Variants in CRYBG1 observed in about 807,000 individuals in gnomAD.
CRYBG1 encodes beta/gamma crystallin domain-containing protein 1.
CRYBG1 carries 139 observed loss-of-function variants against 189.2 expected under a neutral mutation model. The observed-to-expected ratio is 0.73, with a 90% CI of 0.64 to 0.85. The LOEUF is 0.85. Ranked by LOEUF, CRYBG1 falls within the 40% of genes least tolerant of loss-of-function variation. The probability of loss-of-function intolerance (pLI) is 0.00; values close to 1 mark genes in which losing one functional copy is unlikely to be tolerated. For synonymous variants in CRYBG1, 1,023 were observed against 1,017.1 expected (o/e 1.01, Z -0.11); for missense variants, 2,611 against 2,675.8 (o/e 0.98, Z 0.53).
intron 1 of CRYBG1, among the ~76,000 whole-genome samples, chr6:106,391,559 G>C (rs933549316): frequency 7.0e-6 from 1 of 142,918 alleles, no homozygotes; most frequent in African/African-American, 2.5e-5. Context: ...TTAGAAACCA[G>C]ACCATCAGTC....
intron 9 of CRYBG1, among the ~76,000 whole-genome samples, chr6:106,540,972 A>C (rs374194016): frequency 6.6e-6 from 1 of 152,192 alleles, no homozygotes; most frequent in Non-Finnish European, 1.5e-5. Context: ...AACCCCTCAT[A>C]GACTCATCCT....
intron 1 of CRYBG1, among the ~76,000 whole-genome samples, chr6:106,364,344 A>G (rs1014040118): frequency 1.3e-5 from 2 of 152,160 alleles, no homozygotes; most frequent in Non-Finnish European, 2.9e-5. Context: ...TAAAAAAAAA[A>G]AGAAAGAAAA....
In CRYBG1 at chr6:106,521,285, G is replaced by T; in HGVS notation, c.4077G>T (p.Leu1359Phe). The change falls in exon 4 of 22, where the codon TTG becomes TTT. Residue 1359 changes from leucine to phenylalanine, a missense_variant. This residue lies in a region of CRYBG1 where 1,622 missense variants were observed against 1,735.0 expected (regional missense o/e 0.93). Transcript: ENST00000633556. ...LHLPETKFSE[L>F]SKLKNDDMEK... ...TGCCAGAAACTAAATTTTCTGAATT[G>T]TCAAAACTGAAGAATGATGATATGG... The T allele has an allele frequency of 6.2e-7, 1 of 1,614,020 alleles. No homozygotes were observed. The highest frequency in any genetic ancestry group is 2.2e-5 in the East Asian group (1 of 44,886).
At chr6:106,551,539 G>A (rs1381551) in intron 13 of CRYBG1, among the ~76,000 whole-genome samples, 5,307 of 152,240 alleles carry the variant, frequency 0.035, 287 homozygotes, top group African/African-American at 0.12. Flanking sequence ...TCCCAGTAAT[G>A]GGATTGCTGG....
At position 106,360,955 on chromosome 6, in the gene CRYBG1, C is replaced by G; in HGVS notation, c.47C>G (p.Pro16Arg). Residue 16 changes from proline (P) to arginine (R), a missense_variant, in exon 1 of 22, where the codon CCG becomes CGG. By Grantham distance (103) the Pro-to-Arg change is moderately radical. Around this residue, in one of 3 missense-constraint regions of CRYBG1, gnomAD observed 985 missense variants for 924.4 expected, o/e 1.07. Transcript: ENST00000633556. ...PAQGDPGEPS[P>R]CRPPKKHTTF... ...CAGGGCGACCCCGGGGAGCCCAGCC[C>G]GTGCAGGCCCCCTAAGAAGCACACC... is the stretch of plus-strand genomic sequence containing the variant. 1.3e-6 allele frequency: 2 copies of G among 1,535,164 alleles called. No homozygotes were observed. The highest frequency in any genetic ancestry group is 1.7e-6 in the Non-Finnish European group (2 of 1,146,532).
intron 2 of CRYBG1, among the ~76,000 whole-genome samples, chr6:106,481,483 T>A (rs555712150): frequency 2.9e-4 from 44 of 152,206 alleles, no homozygotes; most frequent in Non-Finnish European, 5.4e-4. Context: ...CTTTCCCTAA[T>A]CTCATCTGCA....
chr6:106,386,143 T>G (rs1770385323), intron 1 of CRYBG1, among the ~76,000 whole-genome samples: 1 of 152,228 alleles, frequency 6.6e-6, no homozygotes, highest in Non-Finnish European at 1.5e-5. Context: ...GTGAATAACC[T>G]GTTGCAATGA....
chr6:106,504,038 A>AAAC (rs1190426050), intron 2 of CRYBG1, among the ~76,000 whole-genome samples: 9 of 143,112 alleles, frequency 6.3e-5, no homozygotes, highest in African/African-American at 1.8e-4. Flanking sequence ...AGAAAAAAAA[A>AAAC]AAAAAAAAAA....
At chr6:106,421,870 T>C (rs1771129018) in intron 1 of CRYBG1, among the ~76,000 whole-genome samples, 1 of 152,136 alleles carries the variant, frequency 6.6e-6, no homozygotes, top group African/African-American at 2.4e-5. Flanking sequence ...TCACATCTTA[T>C]GTGGATGGTA....
chr6:106,453,483 C>A (rs190998812), intron 2 of CRYBG1, among the ~76,000 whole-genome samples: 14 of 152,236 alleles, frequency 9.2e-5, no homozygotes, highest in African/African-American at 3.1e-4. Flanking sequence ...TTATTCTTTT[C>A]TCTTTATAAG....
chr6:106,474,411 G>A (rs183030582), intron 2 of CRYBG1, among the ~76,000 whole-genome samples: 1 of 152,130 alleles, frequency 6.6e-6, no homozygotes, highest in Non-Finnish European at 1.5e-5. Context: ...CTGCATATTT[G>A]TATAGTTATG....
At chr6:106,562,162 G>A (rs1562121054) in intron 20 of CRYBG1, among the ~76,000 whole-genome samples, 1 of 152,170 alleles carries the variant, frequency 6.6e-6, no homozygotes, top group East Asian at 1.9e-4. Flanking sequence ...GGTGCCCCGT[G>A]AGTCAGCAGA....
chr6:106,502,576 C>T (rs1340955399), intron 2 of CRYBG1, among the ~76,000 whole-genome samples: 1 of 152,182 alleles, frequency 6.6e-6, no homozygotes, highest in East Asian at 1.9e-4. Context: ...TAATACATCT[C>T]AACTGTAAAG....
intron 1 of CRYBG1, among the ~76,000 whole-genome samples, chr6:106,406,740 C>T (rs1207629183): frequency 6.6e-6 from 1 of 152,204 alleles, no homozygotes; most frequent in Non-Finnish European, 1.5e-5. Flanking sequence ...ATTCAACATT[C>T]TTGAAGAAAA....
At position 106,513,050 on chromosome 6, in the gene CRYBG1, G is replaced by A. The variant is rs1380016849; in HGVS notation, c.1922+11G>A. 3 of 1,594,910 alleles carry A rather than the reference G, an allele frequency of 1.9e-6. No individual in the cohort carries two copies. Among genetic ancestry groups the A allele is most frequent in the Admixed American group, 3.4e-5 (2 of 59,418 alleles). The stretch of plus-strand genomic sequence containing the variant: ...CACTAAAGTGACCCTGTAAGTAGCC[G>A]CGCAAGTCCCGGCCGAGTTGCTGTC... On this transcript the variant is annotated intron_variant, in intron 3 of 21. Transcript: ENST00000633556.
At chr6:106,459,622 T>G (rs1206709995) in intron 2 of CRYBG1, among the ~76,000 whole-genome samples, 1 of 151,756 alleles carries the variant, frequency 6.6e-6, no homozygotes, top group Non-Finnish European at 1.5e-5. Context: ...CTCTTTAGAA[T>G]TGCTGAGTAG....
At chr6:106,470,442 G>A (rs1340622) in intron 2 of CRYBG1, among the ~76,000 whole-genome samples, 12,824 of 152,012 alleles carry the variant, frequency 0.084, 707 homozygotes, top group East Asian at 0.22. Flanking sequence ...GCGTGATGGC[G>A]GGTGCCTGTA....
At chr6:106,483,402 A>ATATATATGTATATATATATATATATATAT (rs1361096436) in intron 2 of CRYBG1, among the ~76,000 whole-genome samples, 4 of 88,428 alleles carry the variant, frequency 4.5e-5, no homozygotes, top group Admixed American at 1.3e-4. Context: ...ATATATATAT[A>ATATATATGTATATATATATATATATATAT]AAACATTTTC....
chr6:106,562,902 C>CT (rs1246038906), intron 20 of CRYBG1, among the ~76,000 whole-genome samples: 1 of 152,244 alleles, frequency 6.6e-6, no homozygotes, highest in African/African-American at 2.4e-5. Flanking sequence ...TCACAGCTCA[C>CT]TGTAGCTTCG....
Sources: gnomAD v4.1 joint callset for allele counts (sites outside exome capture counted in the v4.1 genomes callset) on GRCh38, gnomAD v4.1.1 for gene constraint, gnomAD v4.1.1 regional missense constraint, MANE v1.5 for transcripts, NCBI Gene and HGNC (gene_info 2026-07-23, HGNC 2026-07-21) for gene names.